The following TLX2 variants were observed in gnomAD, a reference collection of about 807,000 sequenced individuals.
TLX2 encodes the protein T-cell leukemia homeobox protein 2.
In TLX2, 15 loss-of-function variants were observed where a neutral mutation model predicts 21.7. The observed-to-expected ratio is 0.69, with a 90% CI of 0.46 to 1.07. TLX2 has a LOEUF of 1.07. TLX2 is among the 50% of genes least tolerant of loss of function. The probability of loss-of-function intolerance (pLI) is 0.00; values close to 1 mark genes in which losing one functional copy is unlikely to be tolerated. For missense variants in TLX2, 384 were observed against 409.1 expected (o/e 0.94, Z 0.53); for synonymous variants, 213 against 193.1 (o/e 1.10, Z -0.85).
At position 74,515,050 on chromosome 2, in the gene TLX2, C is replaced by T. The variant is rs935223171; in HGVS notation, c.244C>T (p.Arg82Cys). Residue 82 changes from arginine (R) to cysteine (C), a missense_variant, in exon 1 of 3, where the codon CGC (arginine) becomes TGC (cysteine). Coordinates refer to ENST00000233638, the MANE Select transcript of TLX2 (RefSeq NM_016170.5). This position sits in a 1 kb window ranked among gnomAD's most constrained non-coding sequence, Gnocchi z 6.6. The stretch of plus-strand genomic sequence containing the variant: ...CGGAGTGGGCCCAGGCGGCGTGATC[C>T]GCGTCCCTGCGCACCGCCCGCTGCC... ...SSGVGPGGVI[R>C]VPAHRPLPVP... 9.9e-6 allele frequency: 15 copies of T among 1,517,520 alleles called. No homozygotes were observed. In the African/African-American group the frequency reaches 2.2e-4, roughly 22 times the overall value. 94.0% of individuals were successfully genotyped at this position (1,517,520 alleles called of 1,614,324 possible).
At position 74,514,568 on chromosome 2, in the gene TLX2, T is replaced by G; in HGVS notation, c.-239T>G. 1 of 1,398,120 alleles carries G rather than the reference T, an allele frequency of 7.2e-7. No homozygotes were observed. Among genetic ancestry groups the G allele is most frequent in the Non-Finnish European group, 9.2e-7 (1 of 1,082,804 alleles). The allele number at this position is 1,398,120 out of a possible 1,614,324, so 86.6% of individuals were successfully genotyped here. ...GCAAGGAAGCTCCAGGGGCCCCAGC[T>G]GGCCGTGCTCCCCCGGGATGCAAGT... is the stretch of plus-strand genomic sequence containing the variant. On this transcript the variant is annotated 5_prime_UTR_variant, in exon 1 of 3. Transcript: ENST00000233638. The surrounding 1 kb of genome is among the most constrained non-coding windows in gnomAD (Gnocchi z 5.0).
rs1356039973 is a variant in TLX2 at position 74,515,880 on chromosome 2, G to C, written c.638+10G>C. The C allele has an allele frequency of 6.2e-7, 1 of 1,600,926 alleles. No homozygotes were observed. Among genetic ancestry groups the C allele is most frequent in the Non-Finnish European group, 8.5e-7 (1 of 1,172,372 alleles). On this transcript the variant is annotated intron_variant, in intron 2 of 2. Transcript: ENST00000233638. This position sits in a 1 kb window ranked among gnomAD's most constrained non-coding sequence, Gnocchi z 6.6. ...GACGCACCAAGTGGCGGTGAGGCGCGGCGCGGGCGAGGGCGGACTGGGGTT... is the reference window on the plus strand; with the variant it reads ...GACGCACCAAGTGGCGGTGAGGCGCCGCGCGGGCGAGGGCGGACTGGGGTT...
rs1376105475 is a variant in TLX2, at chr2:74,516,082, G to C, written c.748G>C (p.Asp250His). Reference sequence around the variant, plus strand: ...GCCGCTGCGGCCGCCGCTGCCCCCGGACCCTCTCTGCCTGCACAACTCGTC... The same window carrying C: ...GCCGCTGCGGCCGCCGCTGCCCCCGCACCCTCTCTGCCTGCACAACTCGTC... ...PRPLRPPLPP[D>H]PLCLHNSSLF... Residue 250 changes from aspartate (D) to histidine (H), a missense_variant, in exon 3 of 3, where the codon GAC becomes CAC. Transcript: ENST00000233638. 5 of 1,602,794 alleles carry C rather than the reference G, an allele frequency of 3.1e-6. No homozygotes were observed. The highest frequency in any genetic ancestry group is 3.4e-4 in the Middle Eastern group (2 of 5,846).
rs1255644983 is a variant in TLX2 at position 74,515,224 on chromosome 2, C to T, written c.400+18C>T. Reference sequence around the variant, plus strand: ...GCTCACGGGTGAGGTTGTCTGACCCCTCCAGCGTCACGCCCGACTCTGACC... The same window carrying T: ...GCTCACGGGTGAGGTTGTCTGACCCTTCCAGCGTCACGCCCGACTCTGACC... On this transcript the variant is annotated intron_variant, in intron 1 of 2. Transcript: ENST00000233638. The surrounding 1 kb of genome is among the most constrained non-coding windows in gnomAD (Gnocchi z 6.6). The T allele has an allele frequency of 6.5e-7, 1 of 1,538,192 alleles. No homozygotes were observed. Among genetic ancestry groups the T allele is most frequent in the South Asian group, 1.2e-5 (1 of 84,200 alleles).
rs2104329505 is a variant in TLX2 at position 74,516,681 on chromosome 2, AT to A, written c.*494del. ...GTGCTGGAGCGCGAGAGGCTGGCTG[AT>A]TGTGACCGAAACCAGAGGGTTGTCC... On this transcript the variant is annotated 3_prime_UTR_variant, in exon 3 of 3. Transcript: ENST00000233638. 3.3e-6 allele frequency: 1 copy of A among 304,010 alleles called. No homozygotes were observed. The highest frequency in any genetic ancestry group is 2.3e-5 in the African/African-American group (1 of 43,612). The allele number at this position is 304,010 out of a possible 1,614,324, so 18.8% of individuals were successfully genotyped here.
Position 74,516,315 on chromosome 2 carries a change from G to T in TLX2, c.*126G>T. On this transcript the variant is annotated 3_prime_UTR_variant, in exon 3 of 3. Coordinates refer to ENST00000233638, the MANE Select transcript of TLX2 (RefSeq NM_016170.5). ...GCAGGCCTTGAGGCTGTCGTCGAGGGCTCCTCCACCACCGGCCGGCTCCCA... is the reference window on the plus strand; with the variant it reads ...GCAGGCCTTGAGGCTGTCGTCGAGGTCTCCTCCACCACCGGCCGGCTCCCA... The T allele has an allele frequency of 6.6e-7, 1 of 1,525,162 alleles. No homozygotes were observed. 94.5% of individuals were successfully genotyped at this position (1,525,162 alleles called of 1,614,324 possible).
chr2:74,515,590 G>T lies in TLX2; in HGVS notation c.401-43G>T. 6.4e-7 allele frequency: 1 copy of T among 1,564,864 alleles called. No homozygotes were observed. The highest frequency in any genetic ancestry group is 8.7e-7 in the Non-Finnish European group (1 of 1,149,448). ...CGCGGCCTTCTCAGTGGCACCTCGG[G>T]CCACCCTGCAAATCCTGCCCTGGTC... On this transcript the variant is annotated intron_variant, in intron 1 of 2. Coordinates refer to ENST00000233638, the MANE Select transcript of TLX2 (RefSeq NM_016170.5). This position sits in a 1 kb window ranked among gnomAD's most constrained non-coding sequence, Gnocchi z 6.6.
rs896296657 is a variant in TLX2, at chr2:74,516,437, C to G, written c.*248C>G. On this transcript the variant is annotated 3_prime_UTR_variant, in exon 3 of 3. Transcript: ENST00000233638. The stretch of plus-strand genomic sequence containing the variant: ...ACGCCCTCGCTGGAACCTGAGGCGC[C>G]GAGAGGGCGGGACCTGCAGGACAGT... 7 of 1,383,046 alleles carry G rather than the reference C, an allele frequency of 5.1e-6. No individual in the cohort carries two copies. The highest frequency in any genetic ancestry group is 6.6e-6 in the Non-Finnish European group (7 of 1,063,812). The allele number at this position is 1,383,046 out of a possible 1,614,324, so 85.7% of individuals were successfully genotyped here. A position where few individuals can be genotyped will look rare whatever the true frequency, so the allele number is the denominator to read the frequency against.
At position 74,516,560 on chromosome 2, in the gene TLX2, T is replaced by A; in HGVS notation, c.*371T>A. On this transcript the variant is annotated 3_prime_UTR_variant, in exon 3 of 3. Transcript: ENST00000233638. ...GGCGGGTGGTCGGGAGCTGGGGCTC[T>A]GAGGGGCTCTAGCGGCGTTGCGCGC... 1 of 1,167,042 alleles carries A rather than the reference T, an allele frequency of 8.6e-7. No individual in the cohort carries two copies. Among genetic ancestry groups the A allele is most frequent in the Non-Finnish European group, 1.1e-6 (1 of 931,974 alleles). 72.3% of individuals were successfully genotyped at this position (1,167,042 alleles called of 1,614,324 possible).
rs1674891768 is a variant in TLX2, at chr2:74,516,551, C to G, written c.*362C>G. On this transcript the variant is annotated 3_prime_UTR_variant, in exon 3 of 3. Coordinates refer to ENST00000233638, the MANE Select transcript of TLX2 (RefSeq NM_016170.5). ...AAATTCTCCGGCGGGTGGTCGGGAG[C>G]TGGGGCTCTGAGGGGCTCTAGCGGC... 8.4e-7 allele frequency: 1 copy of G among 1,183,522 alleles called. No individual in the cohort carries two copies. Among genetic ancestry groups the G allele is most frequent in the Non-Finnish European group, 1.1e-6 (1 of 944,458 alleles). 73.3% of individuals were successfully genotyped at this position (1,183,522 alleles called of 1,614,324 possible).
Position 74,515,618 on chromosome 2 carries a change from T to C in TLX2, c.401-15T>C. 1 of 1,601,232 alleles carries C rather than the reference T, an allele frequency of 6.2e-7. No individual in the cohort carries two copies. ...ACCCTGCAAATCCTGCCCTGGTCTT[T>C]CTTCCTCCCGGTAGCTGCGCTCTCG... On this transcript the variant is annotated splice_polypyrimidine_tract_variant and intron_variant, in intron 1 of 2. Transcript: ENST00000233638. This position sits in a 1 kb window ranked among gnomAD's most constrained non-coding sequence, Gnocchi z 6.6.
In TLX2 at chr2:74,515,630, T is replaced by C. The variant is rs770043861; in HGVS notation, c.401-3T>C. ...CTGCCCTGGTCTTTCTTCCTCCCGG[T>C]AGCTGCGCTCTCGCCCTTCTCTGGG... On this transcript the variant is annotated splice_region_variant and splice_polypyrimidine_tract_variant and intron_variant, in intron 1 of 2. Coordinates refer to ENST00000233638, the MANE Select transcript of TLX2 (RefSeq NM_016170.5). This position sits in a 1 kb window ranked among gnomAD's most constrained non-coding sequence, Gnocchi z 6.6. 6.2e-7 allele frequency: 1 copy of C among 1,606,810 alleles called. No homozygotes were observed.
Position 74,515,240 on chromosome 2 carries a change from G to T in TLX2, c.400+34G>T. The T allele has an allele frequency of 1.3e-6, 2 of 1,536,400 alleles. No homozygotes were observed. The highest frequency in any genetic ancestry group is 1.7e-4 in the Middle Eastern group (1 of 5,986). On this transcript the variant is annotated intron_variant, in intron 1 of 2. Coordinates refer to ENST00000233638, the MANE Select transcript of TLX2 (RefSeq NM_016170.5). This position sits in a 1 kb window ranked among gnomAD's most constrained non-coding sequence, Gnocchi z 6.6. Reference sequence around the variant, plus strand: ...GTCTGACCCCTCCAGCGTCACGCCCGACTCTGACCCCGTCTCCTCATTTCT... The same window carrying T: ...GTCTGACCCCTCCAGCGTCACGCCCTACTCTGACCCCGTCTCCTCATTTCT...
chr2:74,516,190 G>A lies in TLX2; in HGVS notation c.*1G>A. 1 of 1,608,266 alleles carries A rather than the reference G, an allele frequency of 6.2e-7. No individual in the cohort carries two copies. The highest frequency in any genetic ancestry group is 1.1e-5 in the South Asian group (1 of 90,716). On this transcript the variant is annotated 3_prime_UTR_variant, in exon 3 of 3. Transcript: ENST00000233638. The stretch of plus-strand genomic sequence containing the variant: ...GTCCGGGCTCGCCTCGGTGGTGTGA[G>A]CGACGCCCGTCCGATCGGCGTGGAG...
In TLX2 at chr2:74,514,496, T is replaced by TG; in HGVS notation, c.-308dup. On this transcript the variant is annotated 5_prime_UTR_variant, in exon 1 of 3. Coordinates refer to ENST00000233638, the MANE Select transcript of TLX2 (RefSeq NM_016170.5). This position sits in a 1 kb window ranked among gnomAD's most constrained non-coding sequence, Gnocchi z 5.0. ...TGGCCAACCCTCTCCACCCGGGACTTGGGCAGCGGCGCCGGCAGCCCAGCG... is the reference window on the plus strand; with the variant it reads ...TGGCCAACCCTCTCCACCCGGGACTTGGGGCAGCGGCGCCGGCAGCCCAGCG... The TG allele has an allele frequency of 1.6e-6, 2 of 1,270,832 alleles. No homozygotes were observed. Among genetic ancestry groups the TG allele is most frequent in the Non-Finnish European group, 2.0e-6 (2 of 1,001,598 alleles). The allele number at this position is 1,270,832 out of a possible 1,614,324, so 78.7% of individuals were successfully genotyped here.
Position 74,514,492 on chromosome 2 carries a change from G to A in TLX2, c.-315G>A. The A allele has an allele frequency of 7.8e-7, 1 of 1,278,964 alleles. No homozygotes were observed. Among genetic ancestry groups the A allele is most frequent in the Non-Finnish European group, 9.9e-7 (1 of 1,006,678 alleles). 79.2% of individuals were successfully genotyped at this position (1,278,964 alleles called of 1,614,324 possible). A position where few individuals can be genotyped will look rare whatever the true frequency, so the allele number is the denominator to read the frequency against. ...GAGCTGGCCAACCCTCTCCACCCGG[G>A]ACTTGGGCAGCGGCGCCGGCAGCCC... On this transcript the variant is annotated 5_prime_UTR_variant, in exon 1 of 3. Coordinates refer to ENST00000233638, the MANE Select transcript of TLX2 (RefSeq NM_016170.5). The surrounding 1 kb of genome is among the most constrained non-coding windows in gnomAD (Gnocchi z 5.0).
rs950700600 is a variant in TLX2 at position 74,516,591 on chromosome 2, C to G, written c.*402C>G. ...GCTCTAGCGGCGTTGCGCGCGGTGC[C>G]GGCTGGGTCTGTACCAAAGGTGTGA... On this transcript the variant is annotated 3_prime_UTR_variant, in exon 3 of 3. Transcript: ENST00000233638. 2.8e-6 allele frequency: 3 copies of G among 1,082,550 alleles called. No individual in the cohort carries two copies. The highest frequency in any genetic ancestry group is 4.3e-5 in the Admixed American group (1 of 23,264). The allele number at this position is 1,082,550 out of a possible 1,614,324, so 67.1% of individuals were successfully genotyped here.
Position 74,516,399 on chromosome 2 carries a change from C to T in TLX2, c.*210C>T. 1 of 1,462,932 alleles carries T rather than the reference C, an allele frequency of 6.8e-7. No individual in the cohort carries two copies. The highest frequency in any genetic ancestry group is 9.0e-7 in the Non-Finnish European group (1 of 1,109,120). The allele number at this position is 1,462,932 out of a possible 1,614,324, so 90.6% of individuals were successfully genotyped here. A position where few individuals can be genotyped will look rare whatever the true frequency, so the allele number is the denominator to read the frequency against. ...AGGCGGCCTTTCCCGCCATTTTTCA[C>T]TTCACTGCCGTTACGCCCTCGCTGG... is the stretch of plus-strand genomic sequence containing the variant. On this transcript the variant is annotated 3_prime_UTR_variant, in exon 3 of 3. Transcript: ENST00000233638.
chr2:74,516,258 T>C lies in TLX2; in HGVS notation c.*69T>C, dbSNP rs1315102724. ...TGGAGCGCGCGGCTGCCTGCGTCCA[T>C]GGTCTAGTGGCAGCCGGGCGCGTGA... On this transcript the variant is annotated 3_prime_UTR_variant, in exon 3 of 3. Transcript: ENST00000233638. The C allele has an allele frequency of 2.5e-5, 39 of 1,553,524 alleles. No homozygotes were observed. Among genetic ancestry groups the C allele is most frequent in the African/African-American group, 5.5e-5 (4 of 73,294 alleles).
Sources: gnomAD v4.1 joint callset for allele counts on GRCh38, gnomAD v4.1.1 for gene constraint, Gnocchi (gnomAD v3.1) non-coding constraint, MANE v1.5 for transcripts, NCBI Gene and HGNC (gene_info 2026-07-23, HGNC 2026-07-21) for gene names.